The following NIBAN2 variants were observed in gnomAD, a reference collection of about 807,000 sequenced individuals.
The protein encoded by NIBAN2 is protein Niban 2.
A neutral mutation model predicts 81.8 loss-of-function variants in NIBAN2; 36 were observed. That is an observed-to-expected ratio of 0.44 (90% CI 0.34 to 0.58). The LOEUF is 0.58. NIBAN2 is among the 20% of genes least tolerant of loss of function. NIBAN2 has a pLI of 0.02. For missense variants in NIBAN2, 897 were observed against 1,014.1 expected, an observed-to-expected ratio of 0.88 and a Z score of 1.57; for synonymous variants, 445 against 441.6, an observed-to-expected ratio of 1.01 and a Z score of -0.10.
chr9:127,539,944 A>G (rs2132203696), intron 1 of NIBAN2, among the ~76,000 whole-genome samples: 1 of 152,298 alleles, frequency 6.6e-6, no homozygotes, highest in South Asian at 2.1e-4. Flanking sequence ...GCAAAATGGC[A>G]CAACAGTATC....
Position 127,520,229 on chromosome 9 carries a change from C to CTTT in NIBAN2, c.590-2291_590-2289dup, listed in dbSNP as rs61128001. On this transcript the variant is annotated intron_variant, in intron 5 of 13. Coordinates refer to ENST00000373312, the MANE Select transcript of NIBAN2 (RefSeq NM_022833.4). ...ACGTGATTATATTTGGACCCAGGGT[C>CTTT]TTTTTTTTTTTTTTTTTTTTTTTTT... is the stretch of plus-strand genomic sequence containing the variant. 7.4e-4 allele frequency among the ~76,000 whole-genome samples: 81 copies of CTTT among 109,506 alleles called. 3 individuals carry two copies. The East Asian group carries it at 0.013, about 17-fold the overall frequency. The allele number at this position is 109,506 out of a possible 152,430, so 71.8% of individuals were successfully genotyped here. A position where few individuals can be genotyped will look rare whatever the true frequency, so the allele number is the denominator to read the frequency against.
chr9:127,537,009 G>C lies in NIBAN2; in HGVS notation c.56-5231C>G, dbSNP rs529395681. On this transcript the variant is annotated intron_variant, in intron 1 of 13. Transcript: ENST00000373312. ...TGGGGTGGTGTGAAGGTGTGTGCCA[G>C]CTTCGTCACTTTCCACATTATCTCA... 3.9e-5 allele frequency among the ~76,000 whole-genome samples: 6 copies of C among 152,360 alleles called. No individual in the cohort carries two copies. In the East Asian group the frequency reaches 1.2e-3, roughly 29 times the overall value.
At chr9:127,554,795 C>G (rs1309913571) in intron 1 of NIBAN2, among the ~76,000 whole-genome samples, 1 of 151,894 alleles carries the variant, frequency 6.6e-6, no homozygotes, top group Non-Finnish European at 1.5e-5. Context: ...TCTCAAACTC[C>G]TGACCTCAGG....
rs1351186257 is a variant in NIBAN2, at chr9:127,523,430, C to T, written c.589+249G>A. Among the ~76,000 whole-genome samples the T allele has an allele frequency of 3.3e-5, 5 of 151,218 alleles. No individual in the cohort carries two copies. In the East Asian group the frequency reaches 9.8e-4, roughly 30 times the overall value. On this transcript the variant is annotated intron_variant, in intron 5 of 13. Coordinates refer to ENST00000373312, the MANE Select transcript of NIBAN2 (RefSeq NM_022833.4). ...GATTGTGACTTTGTGACTCAGGGTC[C>T]AAGGGCTCAACAACCACACCCCTCT...
At chr9:127,544,407 G>A (rs973821689) in intron 1 of NIBAN2, among the ~76,000 whole-genome samples, 33 of 152,208 alleles carry the variant, frequency 2.2e-4, no homozygotes, top group Admixed American at 2.0e-3. Flanking sequence ...GCACTCAGGA[G>A]ATGTTGGCTT....
At chr9:127,557,351 T>C (rs1837689762) in intron 1 of NIBAN2, among the ~76,000 whole-genome samples, 1 of 151,936 alleles carries the variant, frequency 6.6e-6, no homozygotes, top group East Asian at 1.9e-4. Flanking sequence ...CATTGAACCA[T>C]GGGGGAAACT....
At chr9:127,529,359 C>T (rs557272021) in intron 2 of NIBAN2, among the ~76,000 whole-genome samples, 3 of 152,358 alleles carry the variant, frequency 2.0e-5, no homozygotes, top group African/African-American at 7.2e-5. Flanking sequence ...GCTGTTTTAG[C>T]CGGGCGCTGT....
chr9:127,560,957 G>C (rs1837762236), intron 1 of NIBAN2, among the ~76,000 whole-genome samples: 1 of 152,214 alleles, frequency 6.6e-6, no homozygotes, highest in Admixed American at 6.5e-5. Flanking sequence ...AAAAGGCACA[G>C]AGAGGCATGG....
chr9:127,576,954 G>A (rs1245825594), intron 1 of NIBAN2, among the ~76,000 whole-genome samples: 1 of 151,446 alleles, frequency 6.6e-6, no homozygotes, highest in Admixed American at 6.6e-5. Context: ...GCCTCCCAAA[G>A]TGCTGGGATT....
At chr9:127,578,898 TG>T (rs762689052) in intron 1 of NIBAN2, 7 of 1,607,640 alleles carry the variant, frequency 4.4e-6, no homozygotes, top group Non-Finnish European at 5.9e-6. Flanking sequence ...CCTTGTGTCC[TG>T]GGGACTTGTG....
upstream of NIBAN2, among the ~76,000 whole-genome samples, chr9:127,574,037 A>T (rs1027773805): frequency 1.3e-5 from 2 of 152,138 alleles, no homozygotes; most frequent in South Asian, 4.2e-4. Context: ...ATTGATTTGT[A>T]AGAGTTCTTT....
In NIBAN2 at chr9:127,507,093, T is replaced by C. The variant is rs759747875; in HGVS notation, c.1993A>G (p.Ser665Gly). 1 of 1,578,062 alleles carries C rather than the reference T, an allele frequency of 6.3e-7. No homozygotes were observed. The highest frequency in any genetic ancestry group is 1.1e-5 in the South Asian group (1 of 87,884). Residue 665 changes from serine (S) to glycine (G), a missense_variant, in exon 14 of 14, where the codon AGC (serine) becomes GGC (glycine). This residue lies in a region of NIBAN2 where 619 missense variants were observed against 691.0 expected (regional missense o/e 0.90). Transcript: ENST00000373312. This position sits in a 1 kb window ranked among gnomAD's most constrained non-coding sequence, Gnocchi z 6.8. ...AGCAGGGGGCCGGCTGGTGGGGGGC[T>C]CTCAGGCCGCAGACCTTGGGCCAGC... is the stretch of plus-strand genomic sequence containing the variant. ...GLLAQGLRPE[S>G]PPPAGPLLNG...
rs1030504024 is a variant in NIBAN2 at position 127,548,889 on chromosome 9, C to A, written c.56-17111G>T. On this transcript the variant is annotated intron_variant, in intron 1 of 13. Coordinates refer to ENST00000373312, the MANE Select transcript of NIBAN2 (RefSeq NM_022833.4). ...GCAGAGCCCATTCTCAAGTCATCCA[C>A]AGAAGACACACAAGATCCCAGCAAG... 3.3e-5 allele frequency among the ~76,000 whole-genome samples: 5 copies of A among 152,222 alleles called. No individual in the cohort carries two copies. In the East Asian group the frequency reaches 9.6e-4, roughly 29 times the overall value.
chr9:127,508,384 G>A lies in NIBAN2; in HGVS notation c.1434+38C>T, dbSNP rs117605906. 7.0e-3 allele frequency: 10,669 copies of A among 1,526,682 alleles called. 56 individuals are homozygous for A. Among genetic ancestry groups the A allele is most frequent in the Non-Finnish European group, 8.5e-3 (9,499 of 1,111,418 alleles). The allele number at this position is 1,526,682 out of a possible 1,614,324, so 94.6% of individuals were successfully genotyped here. On this transcript the variant is annotated intron_variant, in intron 11 of 13. Transcript: ENST00000373312. This position sits in a 1 kb window ranked among gnomAD's most constrained non-coding sequence, Gnocchi z 6.4. ...GGGATGAGGCTCGGGGCTCGGCCTC[G>A]CCTAGGACGGTCCGGGGCAGGGCGT...
Position 127,508,487 on chromosome 9 carries a change from C to T in NIBAN2, c.1369G>A (p.Gly457Arg). Residue 457 changes from glycine to arginine, a missense_variant, in exon 11 of 14, where the codon GGG (glycine) becomes AGG (arginine). Transcript: ENST00000373312. The surrounding 1 kb of genome is among the most constrained non-coding windows in gnomAD (Gnocchi z 6.4). ...TFETLLHQELGKGPTKEELCK... is the reference protein window; with the variant it reads ...TFETLLHQELRKGPTKEELCK... ...AGCTCCTCCTTGGTGGGCCCCTTCC[C>T]CAGCTCCTGGTGCAGGAGGGTCTCG... 6.2e-7 allele frequency: 1 copy of T among 1,613,926 alleles called. No homozygotes were observed. Among genetic ancestry groups the T allele is most frequent in the Non-Finnish European group, 8.5e-7 (1 of 1,179,994 alleles).
At chr9:127,514,451 A>G (rs1389277991) in intron 8 of NIBAN2, among the ~76,000 whole-genome samples, 2 of 152,152 alleles carry the variant, frequency 1.3e-5, no homozygotes, top group African/African-American at 4.8e-5. Flanking sequence ...AAAATTAAAA[A>G]TGAAAATGAA....
chr9:127,565,866 C>A (rs570093799), intron 1 of NIBAN2, among the ~76,000 whole-genome samples: 1 of 151,350 alleles, frequency 6.6e-6, no homozygotes, highest in East Asian at 1.9e-4. Context: ...GGCCAAGGCT[C>A]CCAAAGGAGG....
In NIBAN2 at chr9:127,517,844, C is replaced by T. The variant is rs763225627; in HGVS notation, c.687G>A (p.Leu229=). The change falls in exon 6 of 14, where the codon CTG becomes CTA. Residue 229 remains leucine, a synonymous_variant. Coordinates refer to ENST00000373312, the MANE Select transcript of NIBAN2 (RefSeq NM_022833.4). The surrounding 1 kb of genome is among the most constrained non-coding windows in gnomAD (Gnocchi z 4.0). Reference sequence around the variant, plus strand: ...GCCTCACCTGCACCTCGTTCCCACACAGCATCTCCCAGGTGCCGTACAGCT... The same window carrying T: ...GCCTCACCTGCACCTCGTTCCCACATAGCATCTCCCAGGTGCCGTACAGCT... ...SKELYGTWEM[L]CGNEVQILSN... is the part of the protein sequence containing the mutation. 2.5e-6 allele frequency: 4 copies of T among 1,613,756 alleles called. No individual in the cohort carries two copies. Among genetic ancestry groups the T allele is most frequent in the South Asian group, 1.1e-5 (1 of 91,004 alleles).
At chr9:127,523,181 AAAAAAAAAAAAATATATATATATATATAT>A (rs1836978213) in intron 5 of NIBAN2, among the ~76,000 whole-genome samples, 1 of 36,284 alleles carries the variant, frequency 2.8e-5, no homozygotes, top group Non-Finnish European at 4.9e-5. Context: ...AAAAAAAAAA[AAAAAAAAAAAAATATATATATATATATAT>A]ATATATATAT....
Sources: allele counts gnomAD v4.1 joint callset (sites outside exome capture counted in the v4.1 genomes callset), GRCh38; gene constraint gnomAD v4.1.1; regional missense constraint gnomAD v4.1.1; non-coding constraint Gnocchi (gnomAD v3.1); transcripts MANE v1.5; gene names NCBI Gene and HGNC (gene_info 2026-07-23, HGNC 2026-07-21).